CDH13: variants seen among roughly 807,000 people sequenced by gnomAD.
CDH13 encodes the protein cadherin 13, also known as cadherin-13.
A neutral mutation model predicts 63.8 loss-of-function variants in CDH13; 24 were observed. That is an observed-to-expected ratio of 0.38 (90% CI 0.27 to 0.53). The LOEUF (loss-of-function observed/expected upper bound fraction) is 0.53, where lower values mean the gene tolerates loss of function less well. Ranked by LOEUF, CDH13 falls within the 20% of genes least tolerant of loss-of-function variation. The probability of loss-of-function intolerance (pLI) is 0.85; values close to 1 mark genes in which losing one functional copy is unlikely to be tolerated. For synonymous variants in CDH13, 503 were observed against 355.3 expected (o/e 1.42, Z -4.67); for missense variants, 1,049 against 903.1 (o/e 1.16, Z -2.07).
At chr16:83,575,167 C>G (rs1157401927) in intron 7 of CDH13, among the ~76,000 whole-genome samples, 2 of 152,122 alleles carry the variant, frequency 1.3e-5, no homozygotes, top group East Asian at 1.9e-4. Flanking sequence ...CAGATGGTGA[C>G]TGCTGATGGA....
intron 2 of CDH13, among the ~76,000 whole-genome samples, chr16:82,914,214 C>T (rs2041917173): frequency 6.6e-6 from 1 of 152,132 alleles, no homozygotes; most frequent in South Asian, 2.1e-4. Context: ...CACCGCCATG[C>T]AGCCATCATG....
intron 1 of CDH13, among the ~76,000 whole-genome samples, chr16:82,790,877 C>G (rs190049689): frequency 2.0e-5 from 3 of 152,176 alleles, no homozygotes; most frequent in Non-Finnish European, 2.9e-5. Flanking sequence ...TCCACCTGGT[C>G]TCTCCCTTGA....
chr16:83,027,314 C>G (rs770991779), intron 2 of CDH13, among the ~76,000 whole-genome samples: 1 of 152,074 alleles, frequency 6.6e-6, no homozygotes, highest in Non-Finnish European at 1.5e-5. Context: ...ATAATATGGA[C>G]AGATTGATAT....
chr16:83,424,969 C>A (rs1432106676), intron 6 of CDH13, among the ~76,000 whole-genome samples: 2 of 152,182 alleles, frequency 1.3e-5, no homozygotes, highest in Non-Finnish European at 2.9e-5. Context: ...TAACCTTTTG[C>A]TGCAACAAAA....
intron 4 of CDH13, among the ~76,000 whole-genome samples, chr16:83,142,585 G>T (rs986889964): frequency 1.3e-5 from 2 of 152,142 alleles, no homozygotes; most frequent in Admixed American, 1.3e-4. Flanking sequence ...GTAGCCGTTC[G>T]CCTAGTCCTT....
At chr16:83,730,525 A>G (rs1349477433) in intron 10 of CDH13, among the ~76,000 whole-genome samples, 1 of 152,262 alleles carries the variant, frequency 6.6e-6, no homozygotes, top group African/African-American at 2.4e-5. Flanking sequence ...ACTTTTTAAA[A>G]TCACAATTCG....
Position 82,774,198 on chromosome 16 carries a change from G to C in CDH13, c.46-84164G>C, listed in dbSNP as rs182382824. Among the ~76,000 whole-genome samples the C allele has an allele frequency of 1.9e-3, 291 of 152,226 alleles. 2 individuals are homozygous for C. Among genetic ancestry groups the C allele is most frequent in the Non-Finnish European group, 3.5e-3 (236 of 68,020 alleles). On this transcript the variant is annotated intron_variant, in intron 1 of 13. Coordinates refer to ENST00000567109, the MANE Select transcript of CDH13 (RefSeq NM_001257.5). ...CTACATCATAGTGGTTAAGAATATA[G>C]GCTCTTTTCCCTTGACTGAAGCAGT...
At chr16:83,301,733 T>A (rs1038348635) in intron 5 of CDH13, among the ~76,000 whole-genome samples, 3 of 152,192 alleles carry the variant, frequency 2.0e-5, no homozygotes, top group African/African-American at 7.2e-5. Flanking sequence ...TCTGCCCTCT[T>A]ATTTTTTCCT....
chr16:82,871,383 G>A (rs2040336483), intron 2 of CDH13, among the ~76,000 whole-genome samples: 1 of 152,136 alleles, frequency 6.6e-6, no homozygotes, highest in African/African-American at 2.4e-5. Context: ...CAGTTTGTAT[G>A]TATATCAGAG....
chr16:83,348,722 C>T (rs115389654), intron 6 of CDH13, among the ~76,000 whole-genome samples: 1,680 of 152,302 alleles, frequency 0.011, 33 homozygotes, highest in African/African-American at 0.038. Context: ...GGGCAAGTTA[C>T]TGAACCTTCT....
chr16:82,638,562 C>G (rs1908972456), intron 1 of CDH13, among the ~76,000 whole-genome samples: 1 of 152,076 alleles, frequency 6.6e-6, no homozygotes. Context: ...ATTTTATGGT[C>G]TGAAGGTGTC....
chr16:82,904,132 G>A (rs1597180067), intron 2 of CDH13, among the ~76,000 whole-genome samples: 1 of 151,786 alleles, frequency 6.6e-6, no homozygotes, highest in African/African-American at 2.4e-5. Context: ...GAGATTTAAA[G>A]AAGAAAAAAA....
intron 7 of CDH13, among the ~76,000 whole-genome samples, chr16:83,582,619 C>T (rs1040080851): frequency 6.6e-6 from 1 of 152,118 alleles, no homozygotes; most frequent in Non-Finnish European, 1.5e-5. Context: ...CCTGAGTGGC[C>T]AGGTCTCTCA....
chr16:83,333,784 CT>C (rs2090527822), intron 5 of CDH13, among the ~76,000 whole-genome samples: 1 of 152,158 alleles, frequency 6.6e-6, no homozygotes, highest in African/African-American at 2.4e-5. Context: ...CCCAGGACAG[CT>C]TTGGTTTGCA....
At chr16:82,781,216 C>T (rs1283628089) in intron 1 of CDH13, among the ~76,000 whole-genome samples, 2 of 152,304 alleles carry the variant, frequency 1.3e-5, no homozygotes, top group East Asian at 3.9e-4. Flanking sequence ...CAGGGCAAGG[C>T]TGTTTAGTTG....
At chr16:82,734,692 A>C (rs560234800) in intron 1 of CDH13, among the ~76,000 whole-genome samples, 1 of 152,200 alleles carries the variant, frequency 6.6e-6, no homozygotes, top group Non-Finnish European at 1.5e-5. Flanking sequence ...ATACAGACCA[A>C]TGGCAACCTT....
At chr16:82,640,526 T>C (rs1368452291) in intron 1 of CDH13, among the ~76,000 whole-genome samples, 1 of 152,182 alleles carries the variant, frequency 6.6e-6, no homozygotes, top group Non-Finnish European at 1.5e-5. Context: ...ACAGCCGATA[T>C]GTAAATGAAT....
chr16:83,345,945 T>C (rs2090830174), intron 6 of CDH13, among the ~76,000 whole-genome samples: 1 of 152,142 alleles, frequency 6.6e-6, no homozygotes, highest in Non-Finnish European at 1.5e-5. Context: ...TGATGGGATC[T>C]ATCAGTGACA....
chr16:83,059,128 A>C (rs759465096), intron 3 of CDH13, among the ~76,000 whole-genome samples: 1 of 152,168 alleles, frequency 6.6e-6, no homozygotes, highest in Non-Finnish European at 1.5e-5. Context: ...GAGGCCAATC[A>C]AAAAAGAGCA....
Sources: gnomAD v4.1 joint callset for allele counts (sites outside exome capture counted in the v4.1 genomes callset) on GRCh38, gnomAD v4.1.1 for gene constraint, MANE v1.5 for transcripts, NCBI Gene and HGNC (gene_info 2026-07-23, HGNC 2026-07-21) for gene names.